The following NIBAN2 variants were observed in gnomAD, a reference collection of about 807,000 sequenced individuals.
The protein encoded by NIBAN2 is protein Niban 2.
In NIBAN2, 36 loss-of-function variants were observed where a neutral mutation model predicts 81.8. That is an observed-to-expected ratio of 0.44 (90% CI 0.34 to 0.58). The LOEUF is 0.58. NIBAN2 is among the 20% of genes least tolerant of loss of function. The probability of loss-of-function intolerance (pLI) is 0.02; values close to 1 mark genes in which losing one functional copy is unlikely to be tolerated. For missense variants in NIBAN2, 897 were observed against 1,014.1 expected, an observed-to-expected ratio of 0.88 and a Z score of 1.57; for synonymous variants, 445 against 441.6, an observed-to-expected ratio of 1.01 and a Z score of -0.10.
chr9:127,558,279 G>A (rs992896888), intron 1 of NIBAN2, among the ~76,000 whole-genome samples: 4 of 152,126 alleles, frequency 2.6e-5, no homozygotes, highest in African/African-American at 9.7e-5. Context: ...AGCCCCACCC[G>A]GCCCAATCAT....
intron 2 of NIBAN2, among the ~76,000 whole-genome samples, chr9:127,530,080 G>A (rs1432108424): frequency 6.6e-6 from 1 of 152,214 alleles, no homozygotes; most frequent in Non-Finnish European, 1.5e-5. Flanking sequence ...AGACAGGGGA[G>A]CCATTCTGGC....
At chr9:127,523,190 AAAATATATATATATATATATATAT>A (rs1836984355) in intron 5 of NIBAN2, among the ~76,000 whole-genome samples, 3 of 22,990 alleles carry the variant, frequency 1.3e-4, no homozygotes, top group East Asian at 1.6e-3. Flanking sequence ...AAAAAAAAAA[AAAATATATATATATATATATATAT>A]ATATATATAT....
chr9:127,557,243 G>A (rs902643746), intron 1 of NIBAN2, among the ~76,000 whole-genome samples: 20 of 152,156 alleles, frequency 1.3e-4, no homozygotes, highest in Non-Finnish European at 2.1e-4. Flanking sequence ...GCTTGACCTC[G>A]AGGGCACAGG....
Position 127,563,830 on chromosome 9 carries a change from A to C in NIBAN2, c.55+4990T>G, listed in dbSNP as rs1471158468. Among the ~76,000 whole-genome samples the C allele has an allele frequency of 6.6e-6, 1 of 152,168 alleles. No homozygotes were observed. Among genetic ancestry groups the C allele is most frequent in the Admixed American group, 6.5e-5 (1 of 15,278 alleles). On this transcript the variant is annotated intron_variant, in intron 1 of 13. Transcript: ENST00000373312. This position sits in a 1 kb window ranked among gnomAD's most constrained non-coding sequence, Gnocchi z 4.1. ...CGCCCAGCAGAGAGGTAAGTTTTTA[A>C]AATCACTTTGGAAAGAAGCATTATT...
At chr9:127,533,350 G>A (rs991963405) in intron 1 of NIBAN2, among the ~76,000 whole-genome samples, 4 of 151,984 alleles carry the variant, frequency 2.6e-5, no homozygotes, top group Non-Finnish European at 5.9e-5. Context: ...CCAGCTACTC[G>A]GGAGGCTGAG....
chr9:127,543,344 G>A (rs112664707), intron 1 of NIBAN2, among the ~76,000 whole-genome samples: 77 of 152,272 alleles, frequency 5.1e-4, no homozygotes, highest in South Asian at 8.3e-4. Context: ...AATCACCCCC[G>A]ATCAAGACAG....
Position 127,548,047 on chromosome 9 carries a change from A to G in NIBAN2, c.56-16269T>C, listed in dbSNP as rs58243079. ...ATAAATGGTCAGGGTGCCCAGTGGCATCTCTCATCAGTGCTCATGGCAGTT... is the reference window on the plus strand; with the variant it reads ...ATAAATGGTCAGGGTGCCCAGTGGCGTCTCTCATCAGTGCTCATGGCAGTT... On this transcript the variant is annotated intron_variant, in intron 1 of 13. Transcript: ENST00000373312. Among the ~76,000 whole-genome samples the G allele has an allele frequency of 6.5e-3, 987 of 152,226 alleles. 10 individuals carry two copies. Among genetic ancestry groups the G allele is most frequent in the African/African-American group, 0.023 (939 of 41,518 alleles).
intron 1 of NIBAN2, among the ~76,000 whole-genome samples, chr9:127,565,355 T>C (rs1005617336): frequency 4.6e-5 from 7 of 151,938 alleles, no homozygotes; most frequent in Non-Finnish European, 2.9e-5. Flanking sequence ...TACTAAGGAG[T>C]AGAGGATTTC....
Position 127,508,275 on chromosome 9 carries a change from G to T in NIBAN2, c.1435-75C>A. The T allele has an allele frequency of 1.4e-6, 2 of 1,393,110 alleles. No individual in the cohort carries two copies. Among genetic ancestry groups the T allele is most frequent in the Non-Finnish European group, 2.0e-6 (2 of 990,258 alleles). The allele number at this position is 1,393,110 out of a possible 1,614,324, so 86.3% of individuals were successfully genotyped here. On this transcript the variant is annotated intron_variant, in intron 11 of 13. Coordinates refer to ENST00000373312, the MANE Select transcript of NIBAN2 (RefSeq NM_022833.4). This position sits in a 1 kb window ranked among gnomAD's most constrained non-coding sequence, Gnocchi z 6.4. ...GCCCTGAGGGTAGGACGAGGCCAGT[G>T]GTCTGACCCAAGCCTCCGAGTCCTC... is the stretch of plus-strand genomic sequence containing the variant.
rs1015518274 is a variant in NIBAN2, at chr9:127,508,857, C to T, written c.1317+119G>A. Reference sequence around the variant, plus strand: ...ATGTTCCAAGCAGAGGAGGAGAGAGCGTGCCAGGCAAGCGTGGCTATGGCA... The same window carrying T: ...ATGTTCCAAGCAGAGGAGGAGAGAGTGTGCCAGGCAAGCGTGGCTATGGCA... On this transcript the variant is annotated intron_variant, in intron 10 of 13. Transcript: ENST00000373312. This position sits in a 1 kb window ranked among gnomAD's most constrained non-coding sequence, Gnocchi z 6.4. The T allele has an allele frequency of 6.5e-5, 73 of 1,125,122 alleles. No individual in the cohort carries two copies. The highest frequency in any genetic ancestry group is 8.3e-5 in the Non-Finnish European group (63 of 759,110). The allele number at this position is 1,125,122 out of a possible 1,614,324, so 69.7% of individuals were successfully genotyped here. A position where few individuals can be genotyped will look rare whatever the true frequency, so the allele number is the denominator to read the frequency against.
At chr9:127,516,493 G>A (rs1045359032) in intron 8 of NIBAN2, among the ~76,000 whole-genome samples, 2 of 152,196 alleles carry the variant, frequency 1.3e-5, no homozygotes, top group African/African-American at 2.4e-5. Context: ...AGGTTGTGGT[G>A]AGCTGAGATC....
chr9:127,518,468 G>A (rs1358749857), intron 5 of NIBAN2, among the ~76,000 whole-genome samples: 3 of 152,184 alleles, frequency 2.0e-5, no homozygotes, highest in Admixed American at 1.3e-4. Context: ...TTCTCAGCCC[G>A]GCAGGCCATA....
chr9:127,543,333 G>C (rs1218884237), intron 1 of NIBAN2, among the ~76,000 whole-genome samples: 2 of 152,148 alleles, frequency 1.3e-5, no homozygotes, highest in African/African-American at 4.8e-5. Flanking sequence ...AGTGGTACAG[G>C]AATCACCCCC....
At chr9:127,509,520 A>G (rs994104859) in intron 9 of NIBAN2, among the ~76,000 whole-genome samples, 2 of 152,038 alleles carry the variant, frequency 1.3e-5, no homozygotes, top group African/African-American at 4.8e-5. Context: ...AGATTCTGGG[A>G]TTATTATGGT....
chr9:127,544,750 C>G (rs369833665), intron 1 of NIBAN2, among the ~76,000 whole-genome samples: 1 of 152,162 alleles, frequency 6.6e-6, no homozygotes, highest in Non-Finnish European at 1.5e-5. Flanking sequence ...GTGATCCACC[C>G]GCCTCGGCCT....
At chr9:127,537,839 C>T (rs1424678390) in intron 1 of NIBAN2, among the ~76,000 whole-genome samples, 1 of 152,180 alleles carries the variant, frequency 6.6e-6, no homozygotes. Flanking sequence ...CAAAACCTGC[C>T]GAGGCCCCTC....
intron 1 of NIBAN2, among the ~76,000 whole-genome samples, chr9:127,577,095 G>T (rs557831612): frequency 2.0e-5 from 3 of 151,516 alleles, no homozygotes; most frequent in Non-Finnish European, 2.9e-5. Flanking sequence ...ATCACCTGAG[G>T]TCGGGAGTTT....
At chr9:127,565,595 C>A (rs983709683) in intron 1 of NIBAN2, among the ~76,000 whole-genome samples, 1 of 151,386 alleles carries the variant, frequency 6.6e-6, no homozygotes, top group Non-Finnish European at 1.5e-5. Context: ...GAGTTCGAGA[C>A]CAGCCTGACC....
intron 1 of NIBAN2, among the ~76,000 whole-genome samples, chr9:127,549,800 T>C (rs1837543096): frequency 6.6e-6 from 1 of 152,188 alleles, no homozygotes; most frequent in African/African-American, 2.4e-5. Flanking sequence ...TGGTCTGTAC[T>C]CTAAGCTCAG....
Sources: allele counts gnomAD v4.1 joint callset (sites outside exome capture counted in the v4.1 genomes callset), GRCh38; gene constraint gnomAD v4.1.1; non-coding constraint Gnocchi (gnomAD v3.1); transcripts MANE v1.5; gene names NCBI Gene and HGNC (gene_info 2026-07-23, HGNC 2026-07-21).